Variants in COL21A1 observed in about 807,000 individuals in gnomAD.
The protein encoded by COL21A1 is collagen alpha-1(XXI) chain.
COL21A1 carries 149 observed loss-of-function variants against 137.9 expected under a neutral mutation model. That is an observed-to-expected ratio of 1.08 (90% CI 0.95 to 1.24). The LOEUF is 1.24. Ranked by LOEUF, COL21A1 falls within the 50% of genes most tolerant of loss-of-function variation. COL21A1 has a pLI of 0.00. For missense variants in COL21A1, 1,167 were observed against 1,158.4 expected, an observed-to-expected ratio of 1.01 and a Z score of -0.11; for synonymous variants, 456 against 391.5, an observed-to-expected ratio of 1.16 and a Z score of -1.95.
chr6:56,118,065 G>T (rs9475565), intron 16 of COL21A1, among the ~76,000 whole-genome samples: 83,206 of 151,212 alleles, frequency 0.55, 23,176 homozygotes, highest in East Asian at 0.79. Flanking sequence ...ATTAGTAGAA[G>T]AAAAGAAATA....
intron 16 of COL21A1, among the ~76,000 whole-genome samples, chr6:56,117,179 C>A (rs568995634): frequency 1.3e-5 from 2 of 151,848 alleles, no homozygotes; most frequent in African/African-American, 2.4e-5. Flanking sequence ...AAAACAATAC[C>A]CATTGATCTA....
intron 1 of COL21A1, among the ~76,000 whole-genome samples, chr6:56,222,502 G>T (rs924235069): frequency 2.6e-5 from 4 of 151,966 alleles, no homozygotes; most frequent in Non-Finnish European, 5.9e-5. Flanking sequence ...TACATTTAAA[G>T]AATATAAAAC....
intron 17 of COL21A1, among the ~76,000 whole-genome samples, chr6:56,083,940 C>T (rs1210577577): frequency 6.6e-6 from 1 of 151,752 alleles, no homozygotes; most frequent in Admixed American, 6.6e-5. Context: ...CCCATATTAA[C>T]AATTTAGAAG....
At chr6:56,082,072 C>A (rs1471808735) in intron 17 of COL21A1, among the ~76,000 whole-genome samples, 1 of 151,852 alleles carries the variant, frequency 6.6e-6, no homozygotes, top group African/African-American at 2.4e-5. Context: ...ATAGTCTGAA[C>A]AATGTTACGT....
At chr6:56,223,192 T>C (rs1013219383) in intron 1 of COL21A1, among the ~76,000 whole-genome samples, 1 of 152,144 alleles carries the variant, frequency 6.6e-6, no homozygotes, top group Non-Finnish European at 1.5e-5. Context: ...AAGCTGATCA[T>C]GACTGACAGT....
At chr6:56,386,094 G>A (rs568666508) in intron 1 of COL21A1, among the ~76,000 whole-genome samples, 275 of 152,036 alleles carry the variant, frequency 1.8e-3, no homozygotes, top group African/African-American at 6.4e-3. Context: ...GATTACAGGC[G>A]CTTGCCACCA....
intron 1 of COL21A1, among the ~76,000 whole-genome samples, chr6:56,237,618 T>TA (rs1318605139): frequency 6.6e-6 from 1 of 152,140 alleles, no homozygotes; most frequent in East Asian, 1.9e-4. Flanking sequence ...TAGAATAATT[T>TA]AAAATGTACA....
chr6:56,141,612 T>C (rs987881742), intron 12 of COL21A1, among the ~76,000 whole-genome samples, 173 bp downstream of exon 12: 2 of 152,244 alleles, frequency 1.3e-5, no homozygotes, highest in African/African-American at 2.4e-5. Flanking sequence ...ACTTCTTTTA[T>C]GTAGTGATAA....
intron 17 of COL21A1, among the ~76,000 whole-genome samples, chr6:56,084,728 T>C (rs945391042): frequency 3.3e-5 from 5 of 152,094 alleles, no homozygotes; most frequent in Admixed American, 2.0e-4. Flanking sequence ...ATTTAAATCA[T>C]TCAAGAAATT....
chr6:56,315,494 C>G (rs550042047), intron 1 of COL21A1, among the ~76,000 whole-genome samples: 1 of 152,158 alleles, frequency 6.6e-6, no homozygotes, highest in African/African-American at 2.4e-5. Context: ...ATCTCTTATT[C>G]CTTCTGAAGG....
intron 1 of COL21A1, among the ~76,000 whole-genome samples, chr6:56,260,657 AAT>A (rs1562028895): frequency 9.1e-4 from 42 of 46,176 alleles, no homozygotes; most frequent in Non-Finnish European, 1.9e-3. Flanking sequence ...GGAAGGAAGG[AAT>A]GAAGGAAGGA....
chr6:56,309,280 TG>T (rs1764547988), intron 1 of COL21A1, among the ~76,000 whole-genome samples: 1 of 152,102 alleles, frequency 6.6e-6, no homozygotes, highest in Non-Finnish European at 1.5e-5. Context: ...CCTCGTGATC[TG>T]CCCGCCTCGG....
At chr6:56,255,669 A>G (rs1782952403) in intron 1 of COL21A1, among the ~76,000 whole-genome samples, 1 of 152,206 alleles carries the variant, frequency 6.6e-6, no homozygotes, top group South Asian at 2.1e-4. Context: ...AAGGATGCCA[A>G]GTTATTAAAA....
chr6:56,272,644 C>T lies in COL21A1; in HGVS notation c.-38-89988G>A, dbSNP rs147164046. On this transcript the variant is annotated intron_variant, in intron 1 of 28. Transcript: ENST00000370819. Reference sequence around the variant, plus strand: ...AAATCTCATCTCCAATTGTAATCCCCATGTGTTGAGGGAGGGGCCTGGTGG... The same window carrying T: ...AAATCTCATCTCCAATTGTAATCCCTATGTGTTGAGGGAGGGGCCTGGTGG... 3.9e-3 allele frequency among the ~76,000 whole-genome samples: 597 copies of T among 152,188 alleles called. 2 individuals carry two copies. The highest frequency in any genetic ancestry group is 0.012 in the African/African-American group (484 of 41,524).
chr6:56,092,353 C>A (rs1768913439), intron 17 of COL21A1, among the ~76,000 whole-genome samples: 1 of 151,936 alleles, frequency 6.6e-6, no homozygotes, highest in Admixed American at 6.6e-5. Context: ...CATGCAGATC[C>A]TTTTTTACGC....
chr6:56,349,388 T>C (rs1047995100), intron 1 of COL21A1, among the ~76,000 whole-genome samples: 1 of 151,010 alleles, frequency 6.6e-6, no homozygotes, highest in Non-Finnish European at 1.5e-5. Flanking sequence ...AGATGTTGAG[T>C]CATCATAAAT....
At chr6:56,365,470 AC>A (rs1343119583) in intron 1 of COL21A1, among the ~76,000 whole-genome samples, 4 of 152,074 alleles carry the variant, frequency 2.6e-5, no homozygotes, top group Non-Finnish European at 5.9e-5. Flanking sequence ...TCCTACCCTT[AC>A]CATTTAACTT....
chr6:56,091,982 T>G (rs1768862063), intron 17 of COL21A1, among the ~76,000 whole-genome samples: 2 of 152,034 alleles, frequency 1.3e-5, no homozygotes, highest in African/African-American at 4.8e-5. Context: ...GAAAAGAAAA[T>G]TCCAAAATAT....
chr6:56,195,422 T>C (rs769015369), intron 1 of COL21A1, among the ~76,000 whole-genome samples: 8 of 152,022 alleles, frequency 5.3e-5, no homozygotes, highest in Non-Finnish European at 1.2e-4. Flanking sequence ...AGTCTCTCTG[T>C]CTTCCTGAAA....
Sources: allele counts gnomAD v4.1 joint callset (sites outside exome capture counted in the v4.1 genomes callset), GRCh38; gene constraint gnomAD v4.1.1; transcripts MANE v1.5; gene names NCBI Gene and HGNC (gene_info 2026-07-23, HGNC 2026-07-21).